PBLD: variants seen among roughly 807,000 people sequenced by gnomAD.
PBLD encodes the protein phenazine biosynthesis-like domain-containing protein.
A neutral mutation model predicts 31.3 loss-of-function variants in PBLD; 26 were observed. That is an observed-to-expected ratio of 0.83 (90% CI 0.61 to 1.15). PBLD has a LOEUF of 1.15. PBLD is among the 50% of genes most tolerant of loss of function. PBLD has a pLI of 0.00. For missense variants in PBLD, 307 were observed against 351.7 expected (o/e 0.87, Z 1.02); for synonymous variants, 114 against 129.0 (o/e 0.88, Z 0.79).
At chr10:68,318,914 G>A (rs1048138816) in intron 1 of PBLD, among the ~76,000 whole-genome samples, 1 of 151,466 alleles carries the variant, frequency 6.6e-6, no homozygotes, top group East Asian at 1.9e-4. Flanking sequence ...CTCAGCAACA[G>A]AGTGAGACTT....
At chr10:68,294,587 A>G (rs896217563) in intron 4 of PBLD, among the ~76,000 whole-genome samples, 2 of 152,218 alleles carry the variant, frequency 1.3e-5, no homozygotes, top group African/African-American at 4.8e-5. Flanking sequence ...GAGGGTAAAA[A>G]GGCCTGAATC....
Position 68,308,878 on chromosome 10 carries a change from G to GTGTGTGTGTGTA in PBLD, c.-59-1976_-59-1975insTACACACACACA, listed in dbSNP as rs1207525899. ...TGTGTGTGTGTGTGTGTGTGTGTGT[G>GTGTGTGTGTGTA]TGTTTGTGTGTGTGTGTTGAGACCA... On this transcript the variant is annotated intron_variant, in intron 1 of 9. Transcript: ENST00000358769. 1.4e-3 allele frequency among the ~76,000 whole-genome samples: 215 copies of GTGTGTGTGTGTA among 149,176 alleles called. 6 individuals carry two copies. Among genetic ancestry groups the GTGTGTGTGTGTA allele is most frequent in the Non-Finnish European group, 2.7e-3 (180 of 67,554 alleles).
chr10:68,318,023 C>A (rs375402467), intron 1 of PBLD, among the ~76,000 whole-genome samples: 1 of 151,920 alleles, frequency 6.6e-6, no homozygotes, highest in Admixed American at 6.6e-5. Context: ...GTCAGGAGAT[C>A]GAGACCATCC....
At chr10:68,325,989 A>T (rs933884017) in intron 1 of PBLD, among the ~76,000 whole-genome samples, 32 of 152,096 alleles carry the variant, frequency 2.1e-4, no homozygotes, top group African/African-American at 7.3e-4. Flanking sequence ...CTTGAAAGTC[A>T]GGGACAGGTT....
At chr10:68,319,177 C>T (rs1415712101) in intron 1 of PBLD, among the ~76,000 whole-genome samples, 2 of 146,768 alleles carry the variant, frequency 1.4e-5, no homozygotes, top group Admixed American at 1.4e-4. Context: ...GTTGGGACTC[C>T]ACTGATGGAG....
chr10:68,310,955 T>G lies in PBLD; in HGVS notation c.-59-4052A>C, dbSNP rs1045441145. ...AGCTTAGCCTAGCCTACCTTACACA[T>G]GCTCAGAACACTTACATTAGCTTTC... On this transcript the variant is annotated intron_variant, in intron 1 of 9. Coordinates refer to ENST00000358769, the MANE Select transcript of PBLD (RefSeq NM_022129.4). Among the ~76,000 whole-genome samples the G allele has an allele frequency of 2.6e-5, 4 of 152,304 alleles. No homozygotes were observed. The East Asian group carries it at 7.7e-4, about 29-fold the overall frequency.
chr10:68,315,528 T>C (rs2134509266), intron 1 of PBLD, among the ~76,000 whole-genome samples: 1 of 149,370 alleles, frequency 6.7e-6, no homozygotes, highest in East Asian at 2.0e-4. Context: ...GAGGTTACAG[T>C]GAGCCAAGAT....
chr10:68,286,082 A>ATTGTT (rs1189723188), intron 8 of PBLD, among the ~76,000 whole-genome samples: 7 of 63,696 alleles, frequency 1.1e-4, no homozygotes, highest in East Asian at 4.6e-4. Flanking sequence ...CCTTTGAATA[A>ATTGTT]TTCTTTTTTT....
intron 5 of PBLD, 41 bp downstream of exon 5, chr10:68,292,088 C>A: frequency 6.3e-7 from 1 of 1,598,936 alleles, no homozygotes; most frequent in South Asian, 1.1e-5. Flanking sequence ...GGAGAGCTGT[C>A]GGTTGTAGAT....
Position 68,285,396 on chromosome 10 carries a change from C to T in PBLD, c.706G>A (p.Val236Ile), listed in dbSNP as rs776270840. The T allele has an allele frequency of 6.8e-6, 11 of 1,612,942 alleles. No individual in the cohort carries two copies. The Admixed American group carries it at 1.5e-4, about 22-fold the overall frequency. ...EDPVTGSAHA[V>I]LSSYWSQHLG... ...TGCTGGGACCAGTAGCTGCTGAGAA[C>T]AGCGTGTGCAGACCCTCAAAAGAAG... Residue 236 changes from valine to isoleucine, a missense_variant, in exon 9 of 10, where the codon GTT becomes ATT. Val to Ile is a conservative substitution (Grantham distance 29). Transcript: ENST00000358769.
intron 1 of PBLD, among the ~76,000 whole-genome samples, chr10:68,324,509 C>T (rs2044884532): frequency 6.6e-6 from 1 of 151,760 alleles, no homozygotes; most frequent in Non-Finnish European, 1.5e-5. Flanking sequence ...TGTATCTATC[C>T]CTAATACCAT....
Position 68,328,417 on chromosome 10 carries a change from G to T in PBLD, c.-60+4367C>A, listed in dbSNP as rs144108369. Among the ~76,000 whole-genome samples, 241 of 152,168 alleles carry T rather than the reference G, an allele frequency of 1.6e-3. 2 individuals carry two copies. Among genetic ancestry groups the T allele is most frequent in the African/African-American group, 5.4e-3 (223 of 41,518 alleles). On this transcript the variant is annotated intron_variant, in intron 1 of 9. Transcript: ENST00000358769. ...TCTTTTTTTCTCTCAGGCTCTGCACGGAATTTTCCTCTCCTCTTCATCCTG... is the reference window on the plus strand; with the variant it reads ...TCTTTTTTTCTCTCAGGCTCTGCACTGAATTTTCCTCTCCTCTTCATCCTG...
chr10:68,326,147 C>T (rs2044916807), intron 1 of PBLD, among the ~76,000 whole-genome samples: 1 of 152,114 alleles, frequency 6.6e-6, no homozygotes, highest in African/African-American at 2.4e-5. Flanking sequence ...CGGCTCATTG[C>T]AACCTCCGCC....
At chr10:68,314,761 C>A (rs1283370382) in intron 1 of PBLD, among the ~76,000 whole-genome samples, 1 of 151,940 alleles carries the variant, frequency 6.6e-6, no homozygotes, top group Non-Finnish European at 1.5e-5. Flanking sequence ...CCACACCAGG[C>A]TGATTTTTGT....
Position 68,300,604 on chromosome 10 carries a change from C to T in PBLD, c.85-3619G>A, listed in dbSNP as rs115413932. 8.4e-4 allele frequency among the ~76,000 whole-genome samples: 126 copies of T among 149,144 alleles called. 1 individual carries two copies. The highest frequency in any genetic ancestry group is 2.9e-3 in the African/African-American group (119 of 40,594). On this transcript the variant is annotated intron_variant, in intron 2 of 9. Coordinates refer to ENST00000358769, the MANE Select transcript of PBLD (RefSeq NM_022129.4). Reference sequence around the variant, plus strand: ...CACAAGCTCCCCAGGTGATCGTGTGCACATTAAAGTTTGAGAAACCCTTGT... The same window carrying T: ...CACAAGCTCCCCAGGTGATCGTGTGTACATTAAAGTTTGAGAAACCCTTGT...
intron 3 of PBLD, 120 bp downstream of exon 3, chr10:68,296,766 G>T: frequency 1.2e-6 from 1 of 854,852 alleles, no homozygotes; most frequent in Non-Finnish European, 1.9e-6. Flanking sequence ...CACTTCGGGA[G>T]GCTGAGGCAC....
intron 8 of PBLD, chr10:68,287,726 GTGT>G (rs1437452002): frequency 6.6e-6 from 1 of 152,262 alleles, no homozygotes; most frequent in East Asian, 1.9e-4. Flanking sequence ...CAATCTAGAA[GTGT>G]TGGCTCAAGG....
intron 1 of PBLD, among the ~76,000 whole-genome samples, chr10:68,308,843 A>G (rs910194980): frequency 4.4e-5 from 2 of 45,068 alleles, no homozygotes; most frequent in Admixed American, 4.9e-4. Context: ...CCTGACCTGC[A>G]TGGTGTGTGT....
chr10:68,295,373 G>A (rs1300465382), intron 4 of PBLD, among the ~76,000 whole-genome samples: 4 of 151,488 alleles, frequency 2.6e-5, no homozygotes, highest in Non-Finnish European at 5.9e-5. Context: ...TGCACCTGGG[G>A]TCTCAGCTAC....
Sources: allele counts gnomAD v4.1 joint callset (sites outside exome capture counted in the v4.1 genomes callset), GRCh38; gene constraint gnomAD v4.1.1; transcripts MANE v1.5; gene names NCBI Gene and HGNC (gene_info 2026-07-23, HGNC 2026-07-21).